Variants in DNMBP observed in about 807,000 individuals in gnomAD.
DNMBP encodes dynamin-binding protein.
In DNMBP, 87 loss-of-function variants were observed where a neutral mutation model predicts 150.0. The ratio of observed to expected loss-of-function variants is 0.58; its 90% CI spans 0.49 to 0.69. The LOEUF (loss-of-function observed/expected upper bound fraction) is 0.69. Among genes scored for constraint, DNMBP ranks in the 30% least tolerant of loss-of-function variants. The probability of loss-of-function intolerance (pLI) is 0.00; values close to 1 mark genes in which losing one functional copy is unlikely to be tolerated. For missense variants in DNMBP, 1,774 were observed against 1,949.0 expected, an observed-to-expected ratio of 0.91 and a Z score of 1.69; for synonymous variants, 711 against 750.4, an observed-to-expected ratio of 0.95 and a Z score of 0.86.
At chr10:99,998,315 C>T (rs1409743422) in intron 1 of DNMBP, among the ~76,000 whole-genome samples, 4 of 151,354 alleles carry the variant, frequency 2.6e-5, no homozygotes, top group Non-Finnish European at 5.9e-5. Context: ...CAGTGGCTCA[C>T]GCCTGTAATC....
intron 1 of DNMBP, among the ~76,000 whole-genome samples, chr10:99,995,369 T>C (rs1460668241): frequency 2.0e-5 from 3 of 152,100 alleles, no homozygotes; most frequent in Admixed American, 1.3e-4. Context: ...CTTATACATC[T>C]TTACCGCCTG....
At position 99,898,078 on chromosome 10, in the gene DNMBP, G is replaced by A; in HGVS notation, c.2920+8C>T. The A allele has an allele frequency of 2.5e-6, 4 of 1,611,436 alleles. No individual in the cohort carries two copies. The highest frequency in any genetic ancestry group is 3.4e-6 in the Non-Finnish European group (4 of 1,177,630). ...ATACCTCCTTTTCAGCAATTATGCTGTTCTTACCCAGGTCCTTTCGCCGTT... is the reference window on the plus strand; with the variant it reads ...ATACCTCCTTTTCAGCAATTATGCTATTCTTACCCAGGTCCTTTCGCCGTT... On this transcript the variant is annotated splice_region_variant and intron_variant, in intron 9 of 16. Coordinates refer to ENST00000324109, the MANE Select transcript of DNMBP (RefSeq NM_015221.4).
In DNMBP at chr10:99,955,354, A is replaced by G. The variant is rs768322989; in HGVS notation, c.2120T>C (p.Met707Thr). ...RIEEMERDLD[M>T]YSRAQEELNL... ...TAGCTCTTCTTGAGCTCTACTGTAC[A>G]TATCCAAGTCCCGCTCCATTTCCTC... The change falls in exon 4 of 17, where the codon ATG (methionine) becomes ACG (threonine). Residue 707 changes from methionine (M) to threonine (T), a missense_variant. By Grantham distance (81) the Met-to-Thr change is moderately conservative. Transcript: ENST00000324109. 109 of 1,614,128 alleles carry G rather than the reference A, an allele frequency of 6.8e-5. No homozygotes were observed. In the East Asian group the frequency reaches 2.3e-3, roughly 34 times the overall value.
chr10:99,995,056 A>G (rs1296560755), intron 1 of DNMBP, among the ~76,000 whole-genome samples: 2 of 128,134 alleles, frequency 1.6e-5, no homozygotes, highest in Non-Finnish European at 3.4e-5. Flanking sequence ...CTTGAAAACA[A>G]TTTTTTTTTT....
At chr10:99,916,924 T>C in intron 4 of DNMBP, among the ~76,000 whole-genome samples, 1 of 151,770 alleles carries the variant, frequency 6.6e-6, no homozygotes, top group South Asian at 2.1e-4. Flanking sequence ...ATTGCTTAAT[T>C]CCAGGAGGCG....
intron 4 of DNMBP, among the ~76,000 whole-genome samples, chr10:99,910,182 GGAAAGT>G (rs1173942643): frequency 6.6e-6 from 1 of 152,036 alleles, no homozygotes; most frequent in Non-Finnish European, 1.5e-5. Flanking sequence ...AACTACTTAA[GGAAAGT>G]CGGCCTTCAC....
intron 1 of DNMBP, among the ~76,000 whole-genome samples, chr10:99,998,483 G>A (rs919323877): frequency 6.6e-6 from 1 of 151,422 alleles, no homozygotes; most frequent in Non-Finnish European, 1.5e-5. Context: ...AGGAGGCTGG[G>A]GCGGGAGAAT....
chr10:99,913,214 G>A (rs999375586), intron 4 of DNMBP, among the ~76,000 whole-genome samples: 1 of 152,024 alleles, frequency 6.6e-6, no homozygotes, highest in South Asian at 2.1e-4. Flanking sequence ...GGAAAAAGAA[G>A]CTTTGAATCT....
chr10:99,940,775 A>C (rs2040288220), intron 4 of DNMBP, among the ~76,000 whole-genome samples: 1 of 152,120 alleles, frequency 6.6e-6, no homozygotes, highest in South Asian at 2.1e-4. Flanking sequence ...TAGGGCTTGC[A>C]TCCCAATATC....
intron 1 of DNMBP, among the ~76,000 whole-genome samples, chr10:100,007,022 G>C (rs1177387401): frequency 6.6e-6 from 1 of 152,006 alleles, no homozygotes; most frequent in Non-Finnish European, 1.5e-5. Context: ...GGCTGAGATG[G>C]GAGGATCACT....
intron 4 of DNMBP, among the ~76,000 whole-genome samples, chr10:99,941,009 C>T (rs1589430259): frequency 6.6e-6 from 1 of 152,088 alleles, no homozygotes; most frequent in Non-Finnish European, 1.5e-5. Context: ...CTCAGCCTCC[C>T]GAGTGGCTGG....
intron 7 of DNMBP, 84 bp downstream of exon 7, chr10:99,899,835 T>C (rs1306774314): frequency 2.8e-6 from 4 of 1,404,482 alleles, no homozygotes; most frequent in Non-Finnish European, 4.0e-6. Context: ...AAATAAGATG[T>C]CATCATCAAG....
chr10:99,943,426 C>T (rs181823072), intron 4 of DNMBP, among the ~76,000 whole-genome samples: 1 of 152,154 alleles, frequency 6.6e-6, no homozygotes, highest in Admixed American at 6.5e-5. Context: ...GAGACAGTTT[C>T]ACTCTGTCAC....
intron 3 of DNMBP, among the ~76,000 whole-genome samples, chr10:99,964,610 C>T (rs1360628725): frequency 6.6e-6 from 1 of 151,526 alleles, no homozygotes; most frequent in East Asian, 1.9e-4. Flanking sequence ...GTGGCTCATG[C>T]CTGTAATCCC....
At chr10:99,993,058 G>C (rs777539284) in intron 1 of DNMBP, among the ~76,000 whole-genome samples, 9 of 152,006 alleles carry the variant, frequency 5.9e-5, no homozygotes, top group Non-Finnish European at 7.4e-5. Flanking sequence ...TAAAAATAAA[G>C]ATTCAACATA....
chr10:99,894,625 C>T (rs1164359746), intron 11 of DNMBP, among the ~76,000 whole-genome samples: 1 of 152,028 alleles, frequency 6.6e-6, no homozygotes, highest in African/African-American at 2.4e-5. Flanking sequence ...CTTTTGCATT[C>T]AATATTTGAT....
chr10:99,907,283 G>A (rs1407424532), intron 6 of DNMBP, among the ~76,000 whole-genome samples: 2 of 151,482 alleles, frequency 1.3e-5, no homozygotes, highest in Admixed American at 6.6e-5. Context: ...AGCTGAATTC[G>A]CACCACTGCA....
intron 12 of DNMBP, among the ~76,000 whole-genome samples, chr10:99,887,374 A>C (rs975577178): frequency 2.0e-5 from 3 of 152,078 alleles, no homozygotes; most frequent in African/African-American, 7.2e-5. Flanking sequence ...TAAAAATACA[A>C]AAATTAGGCA....
chr10:99,936,596 G>T (rs1206752752), intron 4 of DNMBP, among the ~76,000 whole-genome samples: 1 of 151,118 alleles, frequency 6.6e-6, no homozygotes, highest in East Asian at 1.9e-4. Context: ...CTCACTGCAG[G>T]CTCAAACAAT....
Sources: gnomAD v4.1 joint callset for allele counts (sites outside exome capture counted in the v4.1 genomes callset) on GRCh38, gnomAD v4.1.1 for gene constraint, MANE v1.5 for transcripts, NCBI Gene and HGNC (gene_info 2026-07-23, HGNC 2026-07-21) for gene names.